Variants in LSAMP observed in about 807,000 individuals in gnomAD.
LSAMP encodes the protein limbic system-associated membrane protein.
LSAMP carries 7 observed loss-of-function variants against 38.6 expected under a neutral mutation model. The ratio of observed to expected loss-of-function variants is 0.18; its 90% confidence interval spans 0.10 to 0.34. The LOEUF (loss-of-function observed/expected upper bound fraction) is 0.34, where lower values mean the gene tolerates loss of function less well. Ranked by LOEUF, LSAMP falls within the 10% of genes least tolerant of loss-of-function variation. The pLI is 1.00. For missense variants in LSAMP, 313 were observed against 420.0 expected, an observed-to-expected ratio of 0.75 and a Z score of 2.23; for synonymous variants, 154 against 166.8, an observed-to-expected ratio of 0.92 and a Z score of 0.59.
chr3:116,340,283 T>C (rs2047974459), intron 1 of LSAMP, among the ~76,000 whole-genome samples: 1 of 152,076 alleles, frequency 6.6e-6, no homozygotes, highest in African/African-American at 2.4e-5. Flanking sequence ...GCCTGTTACA[T>C]ATGAGAATAA....
chr3:115,836,427 GAA>G (rs34110863), intron 6 of LSAMP, among the ~76,000 whole-genome samples: 5 of 152,178 alleles, frequency 3.3e-5, no homozygotes, highest in Admixed American at 3.3e-4. Flanking sequence ...TAAGGAAAAC[GAA>G]ACTTTCCAAC....
At chr3:116,431,601 T>C (rs1198569044) in intron 1 of LSAMP, among the ~76,000 whole-genome samples, 1 of 152,114 alleles carries the variant, frequency 6.6e-6, no homozygotes, top group Non-Finnish European at 1.5e-5. Context: ...TCTCAAGTTA[T>C]ATTAGTGCCC....
At chr3:115,870,086 A>G in intron 3 of LSAMP, among the ~76,000 whole-genome samples, 1 of 152,162 alleles carries the variant, frequency 6.6e-6, no homozygotes, top group Non-Finnish European at 1.5e-5. Flanking sequence ...AAATTTCAGT[A>G]TTTATAAATA....
At chr3:116,331,920 C>T (rs2047858308) in intron 1 of LSAMP, among the ~76,000 whole-genome samples, 1 of 151,960 alleles carries the variant, frequency 6.6e-6, no homozygotes, top group Non-Finnish European at 1.5e-5. Context: ...TCTCACTCAC[C>T]TTGAAGATCT....
intron 1 of LSAMP, among the ~76,000 whole-genome samples, chr3:116,180,374 GAT>G (rs1491463867): frequency 2.3e-5 from 1 of 42,952 alleles, no homozygotes; most frequent in African/African-American, 5.9e-5. Context: ...TTTTATCCCA[GAT>G]TTTTTTTTTT....
chr3:116,410,656 T>C (rs76232004), intron 1 of LSAMP, among the ~76,000 whole-genome samples: 2 of 152,138 alleles, frequency 1.3e-5, no homozygotes, highest in Non-Finnish European at 2.9e-5. Context: ...TGTCCTTTGG[T>C]TCATCCATGA....
chr3:116,405,801 T>C (rs1389156468), intron 1 of LSAMP, among the ~76,000 whole-genome samples: 1 of 152,114 alleles, frequency 6.6e-6, no homozygotes, highest in Non-Finnish European at 1.5e-5. Context: ...ATCATGCAGT[T>C]AGTTAATAAC....
At chr3:116,287,548 C>A (rs548544045) in intron 1 of LSAMP, among the ~76,000 whole-genome samples, 1 of 152,206 alleles carries the variant, frequency 6.6e-6, no homozygotes, top group South Asian at 2.1e-4. Flanking sequence ...GTGGATTTAA[C>A]ATTTCCTAAG....
chr3:115,861,130 TTTCCTTCCTTCCTTCCTTCC>T (rs369018115), intron 3 of LSAMP, among the ~76,000 whole-genome samples: 7,768 of 64,404 alleles, frequency 0.12, 498 homozygotes, highest in East Asian at 0.14. Context: ...TCCTTCTTTC[TTTCCTTCCTTCCTTCCTTCC>T]TTCCTTCCTT....
chr3:116,208,170 C>A (rs1184441410), intron 1 of LSAMP, among the ~76,000 whole-genome samples: 4 of 152,060 alleles, frequency 2.6e-5, no homozygotes, highest in Non-Finnish European at 5.9e-5. Context: ...ATCACTGATA[C>A]CCTTTCTTCC....
chr3:116,278,515 C>T (rs1350330274), intron 1 of LSAMP, among the ~76,000 whole-genome samples: 1 of 152,030 alleles, frequency 6.6e-6, no homozygotes, highest in Non-Finnish European at 1.5e-5. Flanking sequence ...CAGAAAAAGC[C>T]AGGAGGAGCA....
At chr3:116,006,027 A>T (rs1940149602) in intron 3 of LSAMP, among the ~76,000 whole-genome samples, 1 of 152,218 alleles carries the variant, frequency 6.6e-6, no homozygotes, top group Admixed American at 6.5e-5. Flanking sequence ...AGCTCAAAGA[A>T]AGACAGATGA....
chr3:116,391,262 G>A (rs904987113), intron 1 of LSAMP, among the ~76,000 whole-genome samples: 3 of 151,846 alleles, frequency 2.0e-5, no homozygotes, highest in African/African-American at 7.3e-5. Context: ...AGCTGCGGGA[G>A]CAGCAGTGGC....
chr3:115,921,093 A>C (rs559706235), intron 3 of LSAMP, among the ~76,000 whole-genome samples: 4 of 152,158 alleles, frequency 2.6e-5, no homozygotes, highest in African/African-American at 9.6e-5. Flanking sequence ...TGTGTCCTTA[A>C]ATCTAAAGTA....
intron 3 of LSAMP, among the ~76,000 whole-genome samples, chr3:116,003,976 A>G (rs913422881): frequency 4.6e-5 from 7 of 152,188 alleles, no homozygotes; most frequent in African/African-American, 1.7e-4. Flanking sequence ...AAACTAATAC[A>G]CAGACGTAGT....
chr3:115,943,430 G>A (rs148647739), intron 3 of LSAMP, among the ~76,000 whole-genome samples: 25 of 152,298 alleles, frequency 1.6e-4, no homozygotes, highest in Middle Eastern at 3.4e-3. Context: ...CCTCTTCACT[G>A]AGGTGACCAC....
intron 2 of LSAMP, 23 bp from the exon 3 acceptor site, chr3:116,019,663 A>C: frequency 6.2e-7 from 1 of 1,607,108 alleles, no homozygotes; most frequent in Non-Finnish European, 8.5e-7. Flanking sequence ...AAGGAAATGG[A>C]ATATGTAACC....
chr3:116,350,764 T>C (rs1344202985), intron 1 of LSAMP, among the ~76,000 whole-genome samples: 1 of 151,802 alleles, frequency 6.6e-6, no homozygotes, highest in Non-Finnish European at 1.5e-5. Context: ...AGAAGAAAAA[T>C]TGTATGCTGA....
At chr3:115,834,473 T>A (rs1423837770) in intron 6 of LSAMP, 4 of 987,094 alleles carry the variant, frequency 4.1e-6, no homozygotes, top group Admixed American at 2.3e-5. Flanking sequence ...ATTTTTTGAA[T>A]GTGTTTTCCC....
Sources: allele counts gnomAD v4.1 joint callset (sites outside exome capture counted in the v4.1 genomes callset), GRCh38; gene constraint gnomAD v4.1.1; transcripts MANE v1.5; gene names NCBI Gene and HGNC (gene_info 2026-07-23, HGNC 2026-07-21).